The following AFF4 variants were observed in gnomAD, a reference collection of about 807,000 sequenced individuals.
AFF4 encodes AF4/FMR2 family member 4.
Under a neutral mutation model 124.8 loss-of-function variants are expected in AFF4, and 13 were observed. The ratio of observed to expected loss-of-function variants is 0.10; its 90% confidence interval spans 0.07 to 0.17. The LOEUF is 0.17. AFF4 is among the 10% of genes least tolerant of loss of function. The probability of loss-of-function intolerance (pLI) is 1.00; values close to 1 mark genes in which losing one functional copy is unlikely to be tolerated. For missense variants in AFF4, 1,092 were observed against 1,403.8 expected (o/e 0.78, Z 3.55); for synonymous variants, 477 against 496.1 (o/e 0.96, Z 0.51).
intron 5 of AFF4, among the ~76,000 whole-genome samples, chr5:132,922,302 C>T (rs1462016711): frequency 2.0e-5 from 3 of 152,124 alleles, no homozygotes; most frequent in Admixed American, 6.5e-5. Flanking sequence ...ACCTGTAGTC[C>T]CAGCTACTTG....
intron 13 of AFF4, among the ~76,000 whole-genome samples, chr5:132,889,684 C>T (rs1290124078): frequency 6.6e-6 from 1 of 152,120 alleles, no homozygotes; most frequent in Non-Finnish European, 1.5e-5. Flanking sequence ...GAGTAACTTG[C>T]CTAAGTTCAA....
intron 7 of AFF4, among the ~76,000 whole-genome samples, chr5:132,902,167 C>A (rs1258064618): frequency 1.3e-5 from 2 of 152,172 alleles, no homozygotes; most frequent in South Asian, 2.1e-4. Context: ...CCTGCCTCAG[C>A]CTTCCAAGTA....
rs1761431868 is a variant in AFF4, at chr5:132,936,358, T to C, written c.123+709A>G. Among the ~76,000 whole-genome samples the C allele has an allele frequency of 2.0e-5, 3 of 151,856 alleles. No individual in the cohort carries two copies. The East Asian group carries it at 5.8e-4, about 29-fold the overall frequency. On this transcript the variant is annotated intron_variant, in intron 2 of 20. Transcript: ENST00000265343. ...TTTGGCAGTTTATGAAAATATTATA[T>C]TCCTCATAACTCAATGTTATAGTTA...
At position 132,934,391 on chromosome 5, in the gene AFF4, C is replaced by T. The variant is rs780771766; in HGVS notation, c.674G>A (p.Arg225His). 17 of 1,613,982 alleles carry T rather than the reference C, an allele frequency of 1.1e-5. No individual in the cohort carries two copies. The highest frequency in any genetic ancestry group is 1.6e-4 in the Middle Eastern group (1 of 6,084). ...GTGCTGCCCACTTGAAAAAGGTACA[C>T]GGGAAGGAGAATCCCAGTTTGCATC... ...DPDANWDSPS[R>H]VPFSSGQHST... Residue 225 changes from arginine to histidine, a missense_variant, in exon 3 of 21, where the codon CGT (arginine) becomes CAT (histidine). Around this residue, in one of 11 missense-constraint regions of AFF4, gnomAD observed 188 missense variants for 203.0 expected, o/e 0.93. Transcript: ENST00000265343.
rs532159340 is a variant in AFF4, at chr5:132,875,792, A to G, written c.*5267T>C. ...TTGCAACAAATAAAAATCACAGTATATAATTGAAATTCTGGTTGAAAATGT... is the reference window on the plus strand; with the variant it reads ...TTGCAACAAATAAAAATCACAGTATGTAATTGAAATTCTGGTTGAAAATGT... On this transcript the variant is annotated 3_prime_UTR_variant, in exon 21 of 21. Transcript: ENST00000265343. 4 of 210,186 alleles carry G rather than the reference A, an allele frequency of 1.9e-5. No homozygotes were observed. The highest frequency in any genetic ancestry group is 3.8e-4 in the South Asian group (2 of 5,326). 13.0% of individuals were successfully genotyped at this position (210,186 alleles called of 1,614,324 possible).
chr5:132,945,863 C>G (rs1561509490), intron 1 of AFF4, among the ~76,000 whole-genome samples: 1 of 152,132 alleles, frequency 6.6e-6, no homozygotes, highest in Non-Finnish European at 1.5e-5. Flanking sequence ...GAGTTTGAGA[C>G]TAGCCTGACC....
At chr5:132,899,788 A>T in intron 7 of AFF4, 147 bp from the exon 8 acceptor site, 1 of 590,702 alleles carries the variant, frequency 1.7e-6, no homozygotes, top group Admixed American at 2.9e-5. Flanking sequence ...GTCTTATTCT[A>T]TCTGGTTTGG....
At chr5:132,884,057 C>A (rs1349855733) in intron 19 of AFF4, among the ~76,000 whole-genome samples, 1 of 152,172 alleles carries the variant, frequency 6.6e-6, no homozygotes, top group African/African-American at 2.4e-5. Flanking sequence ...AGGTACAGCT[C>A]TCTCAAGCAA....
At position 132,963,546 on chromosome 5, in the gene AFF4, G is replaced by C. The variant is rs1168294115; in HGVS notation, c.-292C>G. On this transcript the variant is annotated 5_prime_UTR_variant, in exon 1 of 21. Transcript: ENST00000265343. ...CAGCTGACTGAGGCGGCGGGGGCGGGTTAACGAAGACCTGGCACCAGGATC... is the reference window on the plus strand; with the variant it reads ...CAGCTGACTGAGGCGGCGGGGGCGGCTTAACGAAGACCTGGCACCAGGATC... The C allele has an allele frequency of 2.0e-5, 8 of 398,132 alleles. No individual in the cohort carries two copies. Among genetic ancestry groups the C allele is most frequent in the Admixed American group, 4.4e-5 (1 of 22,688 alleles). 24.7% of individuals were successfully genotyped at this position (398,132 alleles called of 1,614,324 possible). A position where few individuals can be genotyped will look rare whatever the true frequency, so the allele number is the denominator to read the frequency against.
chr5:132,944,374 C>T (rs1042520349), intron 1 of AFF4, among the ~76,000 whole-genome samples: 1 of 150,876 alleles, frequency 6.6e-6, no homozygotes, highest in Non-Finnish European at 1.5e-5. Context: ...AGGTCAGGCA[C>T]GGTGGTTCAC....
intron 5 of AFF4, among the ~76,000 whole-genome samples, chr5:132,912,878 C>T (rs1228942395): frequency 2.0e-5 from 3 of 151,434 alleles, no homozygotes; most frequent in Non-Finnish European, 4.4e-5. Context: ...CACACACACA[C>T]ACACAAAAGG....
chr5:132,895,221 G>A (rs1226266284), intron 11 of AFF4, among the ~76,000 whole-genome samples: 1 of 152,108 alleles, frequency 6.6e-6, no homozygotes, highest in East Asian at 1.9e-4. Flanking sequence ...AAACTCATTA[G>A]GTATAGTATA....
At chr5:132,925,011 C>T (rs1368970137) in intron 5 of AFF4, among the ~76,000 whole-genome samples, 1 of 151,678 alleles carries the variant, frequency 6.6e-6, no homozygotes, top group Non-Finnish European at 1.5e-5. Flanking sequence ...CCTGTCTCTA[C>T]TAAAAATACA....
At chr5:132,899,441 CAG>C (rs1459565995) in intron 8 of AFF4, 144 bp downstream of exon 8, 5 of 826,890 alleles carry the variant, frequency 6.0e-6, no homozygotes, top group Admixed American at 2.8e-5. Context: ...GATTTAAAAA[CAG>C]AGAAGAAAAC....
chr5:132,885,671 G>A (rs1453036155), intron 18 of AFF4, among the ~76,000 whole-genome samples: 1 of 152,096 alleles, frequency 6.6e-6, no homozygotes, highest in African/African-American at 2.4e-5. Flanking sequence ...ATAATCAGAG[G>A]CAGATTTTAG....
chr5:132,918,504 A>C (rs1760967900), intron 5 of AFF4, among the ~76,000 whole-genome samples: 1 of 152,180 alleles, frequency 6.6e-6, no homozygotes. Context: ...TCTACTAAAA[A>C]TATAAAAATT....
chr5:132,938,980 G>GAAAA (rs1192609238), intron 1 of AFF4, among the ~76,000 whole-genome samples: 1 of 78,894 alleles, frequency 1.3e-5, no homozygotes, highest in Non-Finnish European at 2.5e-5. Context: ...TTAATGTTTA[G>GAAAA]AAAAAAAAAA....
intron 20 of AFF4, 74 bp downstream of exon 20, chr5:132,883,266 C>T (rs1351609324): frequency 1.8e-5 from 25 of 1,369,756 alleles, no homozygotes; most frequent in Admixed American, 3.7e-5. Flanking sequence ...ACAGACTAAA[C>T]GCTTACTTAA....
rs571151347 is a variant in AFF4, at chr5:132,891,014, A to T, written c.2637+1150T>A. Among the ~76,000 whole-genome samples the T allele has an allele frequency of 3.7e-3, 558 of 151,684 alleles. 5 individuals carry two copies. Among genetic ancestry groups the T allele is most frequent in the African/African-American group, 1.0e-2 (414 of 41,498 alleles). The stretch of plus-strand genomic sequence containing the variant: ...AAAGCAAATAAATAAATTAATTAAT[A>T]AATTAATTAATTAAATTAAATAATA... On this transcript the variant is annotated intron_variant, in intron 13 of 20. Transcript: ENST00000265343.
Sources: allele counts gnomAD v4.1 joint callset (sites outside exome capture counted in the v4.1 genomes callset), GRCh38; gene constraint gnomAD v4.1.1; regional missense constraint gnomAD v4.1.1; transcripts MANE v1.5; gene names NCBI Gene and HGNC (gene_info 2026-07-23, HGNC 2026-07-21).